TACC2: variants seen among roughly 807,000 people sequenced by gnomAD.
TACC2 encodes the protein transforming acidic coiled-coil-containing protein 2.
TACC2 carries 137 observed loss-of-function variants against 227.3 expected under a neutral mutation model. The ratio of observed to expected loss-of-function variants is 0.60; its 90% CI spans 0.52 to 0.69. The LOEUF (loss-of-function observed/expected upper bound fraction) is 0.69. TACC2 is among the 30% of genes least tolerant of loss of function. TACC2 has a pLI of 0.00. For missense variants in TACC2, 3,470 were observed against 3,694.4 expected, an observed-to-expected ratio of 0.94 and a Z score of 1.57; for synonymous variants, 1,523 against 1,487.5, an observed-to-expected ratio of 1.02 and a Z score of -0.55.
At position 122,205,344 on chromosome 10, in the gene TACC2, G is replaced by T. The variant is rs995692579; in HGVS notation, c.5972-5053G>T. On this transcript the variant is annotated intron_variant, in intron 8 of 22. Coordinates refer to ENST00000369005, the MANE Select transcript of TACC2 (RefSeq NM_206862.4). The surrounding 1 kb of genome is among the most constrained non-coding windows in gnomAD (Gnocchi z 4.5). ...CGGGCCTCCTGCTCTCTTGCTGGTC[G>T]GTTTTGGGTTTGGTTTCTTGAGCTG... 6.6e-6 allele frequency among the ~76,000 whole-genome samples: 1 copy of T among 152,148 alleles called. No homozygotes were observed. The highest frequency in any genetic ancestry group is 2.4e-5 in the African/African-American group (1 of 41,438).
chr10:122,078,486 A>G (rs2079088721), intron 3 of TACC2, among the ~76,000 whole-genome samples: 1 of 152,106 alleles, frequency 6.6e-6, no homozygotes, highest in African/African-American at 2.4e-5. Flanking sequence ...GCCCCTGCCC[A>G]TGCTTCTCCC....
intron 3 of TACC2, among the ~76,000 whole-genome samples, chr10:122,057,488 A>C (rs2076323548): frequency 6.6e-6 from 1 of 152,006 alleles, no homozygotes; most frequent in Non-Finnish European, 1.5e-5. Flanking sequence ...TCTTGGCCAA[A>C]GGGACCCTAA....
intron 7 of TACC2, among the ~76,000 whole-genome samples, chr10:122,173,179 C>A (rs553369267): frequency 6.6e-6 from 1 of 152,256 alleles, no homozygotes; most frequent in African/African-American, 2.4e-5. Flanking sequence ...CCCTCCTCAC[C>A]CCAGACAACC....
At chr10:122,059,336 G>A (rs2459092) in intron 3 of TACC2, among the ~76,000 whole-genome samples, 85,681 of 150,994 alleles carry the variant, frequency 0.57, 25,234 homozygotes, top group Non-Finnish European at 0.64. Context: ...TAAAGTACCC[G>A]TTTCCTGAAC....
In TACC2 at chr10:122,193,837, G is replaced by A. The variant is rs80139660; in HGVS notation, c.5835-1203G>A. Among the ~76,000 whole-genome samples, 914 of 152,270 alleles carry A rather than the reference G, an allele frequency of 6.0e-3. 12 individuals carry two copies. Among genetic ancestry groups the A allele is most frequent in the African/African-American group, 0.021 (862 of 41,552 alleles). ...TGGAGCTGGCTTAGTACTGGGGGAA[G>A]CCTTATTCTTTCTGGCTTAAAATTG... On this transcript the variant is annotated intron_variant, in intron 7 of 22. Coordinates refer to ENST00000369005, the MANE Select transcript of TACC2 (RefSeq NM_206862.4).
Position 122,085,645 on chromosome 10 carries a change from G to T in TACC2, c.3145G>T (p.Asp1049Tyr). 2 of 1,613,510 alleles carry T rather than the reference G, an allele frequency of 1.2e-6. No individual in the cohort carries two copies. Among genetic ancestry groups the T allele is most frequent in the East Asian group, 4.5e-5 (2 of 44,866 alleles). Residue 1049 changes from aspartate (D) to tyrosine (Y), a missense_variant, in exon 4 of 23, where the codon GAC becomes TAC. By Grantham distance (160) the Asp-to-Tyr change is radical. This residue lies in a region of TACC2 where 1,924 missense variants were observed against 1,978.3 expected (regional missense o/e 0.97). Coordinates refer to ENST00000369005, the MANE Select transcript of TACC2 (RefSeq NM_206862.4). ...NTGEAPPCQP[D>Y]SVALLDAVPC... ...AGGGGAGGCCCCACCTTGTCAGCCT[G>T]ACTCAGTAGCTCTCCTGGATGCAGT...
rs1293319065 is a variant in TACC2 at position 122,229,418 on chromosome 10, G to C, written c.7969G>C (p.Gly2657Arg). 1.2e-6 allele frequency: 2 copies of C among 1,613,926 alleles called. No individual in the cohort carries two copies. The highest frequency in any genetic ancestry group is 2.2e-5 in the East Asian group (1 of 44,862). ...GCTAGCTCACCCCGTCTCTCTCTGT[G>C]GTGCACTTGACTATCTGGAGCCCGA... ...SRLAHPVSLC[G>R]ALDYLEPDLA... Residue 2657 changes from glycine (G) to arginine (R), a missense_variant, in exon 15 of 23, where the codon GGT becomes CGT. Gly to Arg is a moderately radical substitution (Grantham distance 125). Transcript: ENST00000369005.
intron 2 of TACC2, chr10:122,022,237 C>G: frequency 2.0e-6 from 1 of 495,596 alleles, no homozygotes; most frequent in Non-Finnish European, 3.6e-6. Context: ...GCTAATTCTA[C>G]TTATTATTTA....
In TACC2 at chr10:122,081,202, A is replaced by T. The variant is rs1318579695; in HGVS notation, c.147-1445A>T. Among the ~76,000 whole-genome samples the T allele has an allele frequency of 2.0e-5, 3 of 152,094 alleles. No homozygotes were observed. The South Asian group carries it at 6.2e-4, about 32-fold the overall frequency. On this transcript the variant is annotated intron_variant, in intron 3 of 22. Coordinates refer to ENST00000369005, the MANE Select transcript of TACC2 (RefSeq NM_206862.4). ...ACATTTTCCACACTTTGTGTTGGCCACATATTATTTTTAAAATTAAAAATT... is the reference window on the plus strand; with the variant it reads ...ACATTTTCCACACTTTGTGTTGGCCTCATATTATTTTTAAAATTAAAAATT...
At chr10:122,213,303 TTCTG>T (rs781137340) in intron 9 of TACC2, 13 of 1,603,492 alleles carry the variant, frequency 8.1e-6, no homozygotes, top group South Asian at 5.5e-5. Flanking sequence ...TGTCAGTTCC[TTCTG>T]TCTGTCTCTC....
At chr10:122,059,261 G>C (rs1169924015) in intron 3 of TACC2, among the ~76,000 whole-genome samples, 3 of 151,910 alleles carry the variant, frequency 2.0e-5, no homozygotes, top group Non-Finnish European at 4.4e-5. Flanking sequence ...CTTCTGAGGA[G>C]GGAAATTTAA....
intron 6 of TACC2, among the ~76,000 whole-genome samples, chr10:122,140,362 T>C (rs553725532): frequency 6.6e-6 from 1 of 152,336 alleles, no homozygotes; most frequent in East Asian, 1.9e-4. Flanking sequence ...AAATAGCAGG[T>C]TGAACTTAAA....
At chr10:122,146,938 A>G (rs1459978766) in intron 7 of TACC2, among the ~76,000 whole-genome samples, 1 of 152,070 alleles carries the variant, frequency 6.6e-6, no homozygotes, top group Admixed American at 6.5e-5. Context: ...CTGGTTGGGT[A>G]TTTAGTAGGA....
At chr10:122,019,539 C>T (rs1957084150) in intron 1 of TACC2, among the ~76,000 whole-genome samples, 2 of 152,212 alleles carry the variant, frequency 1.3e-5, no homozygotes. Flanking sequence ...AATCAGATGG[C>T]AGGGGCCGCT....
intron 2 of TACC2, among the ~76,000 whole-genome samples, chr10:122,043,558 C>G (rs1419155395): frequency 1.0e-5 from 1 of 96,622 alleles, no homozygotes. Context: ...CTCTCTGTCT[C>G]TCTCTCTCTC....
intron 7 of TACC2, among the ~76,000 whole-genome samples, chr10:122,170,115 T>C (rs1327768390): frequency 6.6e-6 from 1 of 152,024 alleles, no homozygotes; most frequent in East Asian, 1.9e-4. Context: ...GCTCAACATG[T>C]CCAACGTAGA....
chr10:122,206,956 G>T (rs1036451909), intron 8 of TACC2, among the ~76,000 whole-genome samples: 2 of 152,214 alleles, frequency 1.3e-5, no homozygotes, highest in African/African-American at 4.8e-5. Flanking sequence ...GATTGTGTCT[G>T]CATTGGTCTT....
chr10:122,138,235 T>C (rs1175911964), intron 6 of TACC2, among the ~76,000 whole-genome samples: 2 of 152,150 alleles, frequency 1.3e-5, no homozygotes, highest in African/African-American at 4.8e-5. Flanking sequence ...ATAGGTTGGG[T>C]GCGGTGGCTT....
chr10:122,134,539 G>A (rs1352860342), intron 6 of TACC2, among the ~76,000 whole-genome samples: 4 of 152,230 alleles, frequency 2.6e-5, no homozygotes, highest in Non-Finnish European at 5.9e-5. Flanking sequence ...AACCCTAGCT[G>A]CGAACGAAGG....
Sources: gnomAD v4.1 joint callset for allele counts (sites outside exome capture counted in the v4.1 genomes callset) on GRCh38, gnomAD v4.1.1 for gene constraint, gnomAD v4.1.1 regional missense constraint, Gnocchi (gnomAD v3.1) non-coding constraint, MANE v1.5 for transcripts, NCBI Gene and HGNC (gene_info 2026-07-23, HGNC 2026-07-21) for gene names.